The following USH2A variants were observed in gnomAD, a reference collection of about 807,000 sequenced individuals.
USH2A encodes the protein Usher syndrome 2A (autosomal recessive, mild).
Under a neutral mutation model 538.9 loss-of-function variants are expected in USH2A, and 443 were observed. The observed-to-expected ratio is 0.82, with a 90% CI of 0.76 to 0.89. The LOEUF (loss-of-function observed/expected upper bound fraction) is 0.89. USH2A is among the 40% of genes least tolerant of loss of function. USH2A has a pLI of 0.00. For missense variants in USH2A, 6,633 were observed against 6,324.8 expected (o/e 1.05, Z -1.65); for synonymous variants, 2,413 against 2,273.5 (o/e 1.06, Z -1.75).
In USH2A at chr1:215,671,161, TC is replaced by T. The variant is rs1419913594; in HGVS notation, c.13943del (p.Gly4648AspfsTer30). 7 of 1,613,986 alleles carry T rather than the reference TC, an allele frequency of 4.3e-6. No homozygotes were observed. Among genetic ancestry groups the T allele is most frequent in the Non-Finnish European group, 5.9e-6 (7 of 1,180,012 alleles). ...ACAAAAGAGAAACAGTTGGCTGGAA[TC>T]CTCCTGGAGCCATTTGTACCTCCAG... ...PHLEVQMAPG[G>X]FQPTVSLLWT... On this transcript the variant is annotated frameshift_variant, in exon 64 of 72. Transcript: ENST00000307340. LOFTEE classifies it high-confidence loss of function.
At chr1:215,882,804 TC>T (rs140145656) in intron 41 of USH2A, among the ~76,000 whole-genome samples, 3,337 of 152,286 alleles carry the variant, frequency 0.022, 135 homozygotes, top group East Asian at 0.14. Flanking sequence ...TGCATAATAT[TC>T]CTTTCATGGT....
At chr1:216,398,070 T>C (rs897578101) in intron 3 of USH2A, among the ~76,000 whole-genome samples, 1 of 152,180 alleles carries the variant, frequency 6.6e-6, no homozygotes, top group African/African-American at 2.4e-5. Context: ...GAGTTTTCCT[T>C]ACCTCCCACA....
chr1:216,128,915 C>A (rs1215735820), intron 21 of USH2A, among the ~76,000 whole-genome samples: 3 of 152,052 alleles, frequency 2.0e-5, no homozygotes, highest in African/African-American at 7.2e-5. Flanking sequence ...CTCCCCATTT[C>A]CTTCCCCAGG....
intron 44 of USH2A, among the ~76,000 whole-genome samples, chr1:215,854,381 GA>G (rs1414495316): frequency 6.6e-6 from 1 of 152,056 alleles, no homozygotes; most frequent in Non-Finnish European, 1.5e-5. Context: ...TTTGGGTGGG[GA>G]TACAGCCAAA....
chr1:216,078,227 T>C lies in USH2A; in HGVS notation c.5434A>G (p.Ile1812Val), dbSNP rs372590222. 1 of 1,613,902 alleles carries C rather than the reference T, an allele frequency of 6.2e-7. No individual in the cohort carries two copies. Among genetic ancestry groups the C allele is most frequent in the Non-Finnish European group, 8.5e-7 (1 of 1,179,832 alleles). ...KVIIKKEGSF[I>V]SASVNGLMKH... ...ATCAGTCCATTCACACTTGCTGATA[T>C]GAAAGAGCCTTCCTTTTTAATAATG... The change falls in exon 27 of 72, where the codon ATA (isoleucine) becomes GTA (valine). Residue 1812 changes from isoleucine to valine, a missense_variant. Physicochemically the swap from Ile to Val is conservative, Grantham distance 29. Transcript: ENST00000307340.
chr1:216,198,289 G>T (rs779767970), intron 18 of USH2A, 26 bp downstream of exon 18: 1 of 1,613,464 alleles, frequency 6.2e-7, no homozygotes, highest in Non-Finnish European at 8.5e-7. Context: ...GGTTTTAAAA[G>T]TAGAATTTAA....
chr1:215,663,578 A>G (rs768496715), intron 64 of USH2A, among the ~76,000 whole-genome samples: 4 of 152,072 alleles, frequency 2.6e-5, no homozygotes, highest in Non-Finnish European at 4.4e-5. Context: ...CGCATACCTC[A>G]TGCAGCCCTG....
chr1:216,239,631 A>G (rs1031937895), intron 13 of USH2A, among the ~76,000 whole-genome samples: 1 of 152,184 alleles, frequency 6.6e-6, no homozygotes, highest in Non-Finnish European at 1.5e-5. Context: ...GGTGAAAAGC[A>G]AATGGAAGGT....
At position 215,844,234 on chromosome 1, in the gene USH2A, G is replaced by A. The variant is rs1454650801; in HGVS notation, c.9258+60C>T. On this transcript the variant is annotated intron_variant, in intron 46 of 71. Transcript: ENST00000307340. Reference sequence around the variant, plus strand: ...CAGAAGATATCCACTTGAAGACATAGCCTGGCATGTTTTATTTAACATATC... The same window carrying A: ...CAGAAGATATCCACTTGAAGACATAACCTGGCATGTTTTATTTAACATATC... 6 of 1,532,806 alleles carry A rather than the reference G, an allele frequency of 3.9e-6. No individual in the cohort carries two copies. The Admixed American group carries it at 1.0e-4, about 26-fold the overall frequency. 95.0% of individuals were successfully genotyped at this position (1,532,806 alleles called of 1,614,324 possible). A position where few individuals can be genotyped will look rare whatever the true frequency, so the allele number is the denominator to read the frequency against.
intron 32 of USH2A, among the ~76,000 whole-genome samples, chr1:216,038,946 G>A (rs759023413): frequency 7.2e-5 from 11 of 151,958 alleles, no homozygotes; most frequent in African/African-American, 1.4e-4. Flanking sequence ...TATCATTTAC[G>A]AACATAATAT....
In USH2A at chr1:215,934,682, C is replaced by T. The variant is rs755361656; in HGVS notation, c.7234G>A (p.Val2412Met). 10 of 1,612,840 alleles carry T rather than the reference C, an allele frequency of 6.2e-6. No homozygotes were observed. The East Asian group carries it at 2.0e-4, about 32-fold the overall frequency. ...LVPFTNYTVQ[V>M]NISNSQGSLI... Reference sequence around the variant, plus strand: ...CTGCCTTGGCTATTTGAAATATTCACTTGTACAGTATAGTTGGTAAAAGGA... The same window carrying T: ...CTGCCTTGGCTATTTGAAATATTCATTTGTACAGTATAGTTGGTAAAAGGA... The change falls in exon 38 of 72, where the codon GTG becomes ATG. Residue 2412 changes from valine (V) to methionine (M), a missense_variant. Val to Met is a conservative substitution (Grantham distance 21). Coordinates refer to ENST00000307340, the MANE Select transcript of USH2A (RefSeq NM_206933.4).
chr1:215,970,874 G>A, intron 35 of USH2A, 98 bp from the exon 36 acceptor site: 1 of 1,241,566 alleles, frequency 8.1e-7, no homozygotes, highest in Non-Finnish European at 1.2e-6. Context: ...TAGTTTCATG[G>A]AATCATTAAA....
chr1:216,137,100 A>G (rs921476642), intron 21 of USH2A, among the ~76,000 whole-genome samples: 1 of 152,182 alleles, frequency 6.6e-6, no homozygotes, highest in Non-Finnish European at 1.5e-5. Flanking sequence ...AAATGCTGAA[A>G]GACTGACTCA....
chr1:215,911,550 G>A (rs749834121), intron 38 of USH2A, among the ~76,000 whole-genome samples: 3 of 151,820 alleles, frequency 2.0e-5, no homozygotes, highest in South Asian at 2.1e-4. Context: ...TCTTTTCTAC[G>A]GCTGAATAGT....
At chr1:215,708,690 T>C (rs1337437920) in intron 61 of USH2A, among the ~76,000 whole-genome samples, 2 of 152,108 alleles carry the variant, frequency 1.3e-5, no homozygotes, top group Non-Finnish European at 2.9e-5. Flanking sequence ...CCACAGCTGA[T>C]CTGTGGAGCA....
At chr1:216,324,510 G>A (rs1011769552) in intron 6 of USH2A, among the ~76,000 whole-genome samples, 158 bp from the exon 7 acceptor site, 1 of 151,942 alleles carries the variant, frequency 6.6e-6, no homozygotes, top group African/African-American at 2.4e-5. Context: ...ATAGCCCTGT[G>A]GTAAAAGCAA....
At chr1:215,639,462 A>G (rs1188283760) in intron 68 of USH2A, among the ~76,000 whole-genome samples, 1 of 152,250 alleles carries the variant, frequency 6.6e-6, no homozygotes, top group African/African-American at 2.4e-5. Context: ...AGCTAAGGAA[A>G]ATTAGAGCTT....
chr1:216,173,967 T>G (rs1423372348), intron 21 of USH2A: 1 of 984,916 alleles, frequency 1.0e-6, no homozygotes. Flanking sequence ...TTTAAGAATA[T>G]AAAGCAGAAG....
intron 4 of USH2A, among the ~76,000 whole-genome samples, chr1:216,335,428 T>C (rs1481822854): frequency 6.6e-6 from 1 of 151,146 alleles, no homozygotes; most frequent in Non-Finnish European, 1.5e-5. Context: ...GAAAGGAAAT[T>C]ATAAAGATTT....
Sources: gnomAD v4.1 joint callset for allele counts (sites outside exome capture counted in the v4.1 genomes callset) on GRCh38, gnomAD v4.1.1 for gene constraint, MANE v1.5 for transcripts, NCBI Gene and HGNC (gene_info 2026-07-23, HGNC 2026-07-21) for gene names.